Variants in GINM1 observed in about 807,000 individuals in gnomAD.
The protein encoded by GINM1 is glycoprotein integral membrane protein 1.
GINM1 carries 29 observed loss-of-function variants against 37.8 expected under a neutral mutation model. The observed-to-expected ratio is 0.77, with a 90% CI of 0.57 to 1.05. The LOEUF is 1.05. GINM1 is among the 50% of genes least tolerant of loss of function. The pLI is 0.00. For missense variants in GINM1, 377 were observed against 397.9 expected (o/e 0.95, Z 0.45); for synonymous variants, 143 against 146.2 (o/e 0.98, Z 0.16).
At chr6:149,579,466 G>A (rs559983011) in intron 4 of GINM1, among the ~76,000 whole-genome samples, 219 of 152,300 alleles carry the variant, frequency 1.4e-3, no homozygotes, top group African/African-American at 5.0e-3. Context: ...CAAGGTGGAC[G>A]AATCACCTGA....
chr6:149,578,852 A>C lies in GINM1; in HGVS notation c.308A>C (p.Glu103Ala), dbSNP rs759175308. 1 of 1,587,260 alleles carries C rather than the reference A, an allele frequency of 6.3e-7. No homozygotes were observed. Among genetic ancestry groups the C allele is most frequent in the African/African-American group, 1.4e-5 (1 of 73,974 alleles). The change falls in exon 4 of 8, where the codon GAA becomes GCA. Residue 103 changes from glutamate to alanine, a missense_variant. Physicochemically the swap from Glu to Ala is moderately radical, Grantham distance 107. Coordinates refer to ENST00000367419, the MANE Select transcript of GINM1 (RefSeq NM_138785.5). ...VKNENLENLE[E>A]KEYFGIVSVR... ...AATGAAAATCTTGAAAATTTGGAGG[A>C]AAAAGAATATTTTGGAATTGTCAGT... is the stretch of plus-strand genomic sequence containing the variant.
chr6:149,575,185 A>G (rs1777895835), intron 3 of GINM1, among the ~76,000 whole-genome samples: 1 of 152,098 alleles, frequency 6.6e-6, no homozygotes, highest in Admixed American at 6.5e-5. Context: ...TTCTCTGTAC[A>G]TTCTGCAACT....
intron 1 of GINM1, among the ~76,000 whole-genome samples, chr6:149,567,050 C>T (rs1422766606): frequency 6.6e-6 from 1 of 152,190 alleles, no homozygotes; most frequent in Non-Finnish European, 1.5e-5. Flanking sequence ...GGCCCTCGCG[C>T]GACGTAATGT....
chr6:149,583,628 G>GA (rs112596826), intron 7 of GINM1, among the ~76,000 whole-genome samples: 4,404 of 100,818 alleles, frequency 0.044, 251 homozygotes, highest in African/African-American at 0.14. Context: ...ACTCCCTCTC[G>GA]AAAAAAAAAA....
intron 7 of GINM1, among the ~76,000 whole-genome samples, chr6:149,583,141 A>G (rs1778025201): frequency 1.3e-5 from 2 of 152,160 alleles, no homozygotes; most frequent in African/African-American, 4.8e-5. Context: ...ATCCTGGCCA[A>G]CATGGTAAAA....
rs756928537 is a variant in GINM1, at chr6:149,582,456, T to C, written c.734T>C (p.Met245Thr). The change falls in exon 7 of 8, where the codon ATG becomes ACG. Residue 245 changes from methionine to threonine, a missense_variant. Met to Thr is a moderately conservative substitution (Grantham distance 81, BLOSUM62 -1). Transcript: ENST00000367419. ...CTTTTTCAGGTAATGTGTCAGTGGATGGAAAAGTTTAGAAAAGATCTGTGT... is the reference window on the plus strand; with the variant it reads ...CTTTTTCAGGTAATGTGTCAGTGGACGGAAAAGTTTAGAAAAGATCTGTGT... Reference protein sequence around the residue: ...PSSYKVMCQWMEKFRKDLCRF... With the variant: ...PSSYKVMCQWTEKFRKDLCRF... 1.2e-5 allele frequency: 19 copies of C among 1,605,414 alleles called. No individual in the cohort carries two copies. The East Asian group carries it at 3.6e-4, about 30-fold the overall frequency.
At position 149,584,832 on chromosome 6, in the gene GINM1, G is replaced by T. The variant is rs935484609; in HGVS notation, c.881+2229G>T. ...TTATAAATGTATATATATATAGAGA[G>T]AGAGAGAGAGAGACACGGGGATCTT... On this transcript the variant is annotated intron_variant, in intron 7 of 7. Transcript: ENST00000367419. Among the ~76,000 whole-genome samples the T allele has an allele frequency of 4.1e-3, 620 of 150,708 alleles. 2 individuals are homozygous for T. The highest frequency in any genetic ancestry group is 7.2e-3 in the African/African-American group (297 of 41,210).
At chr6:149,574,652 G>A (rs1289591148) in intron 3 of GINM1, among the ~76,000 whole-genome samples, 2 of 152,160 alleles carry the variant, frequency 1.3e-5, no homozygotes, top group Non-Finnish European at 2.9e-5. Flanking sequence ...CCCTTTGGGA[G>A]GCCAAAGCTG....
intron 1 of GINM1, among the ~76,000 whole-genome samples, chr6:149,569,742 ATTTCGC>A (rs1377157514): frequency 1.3e-5 from 2 of 152,142 alleles, no homozygotes; most frequent in Non-Finnish European, 2.9e-5. Context: ...ATAACTGTAT[ATTTCGC>A]TCAGACGTAT....
At chr6:149,580,352 T>C (rs1033168730) in intron 5 of GINM1, among the ~76,000 whole-genome samples, 2 of 152,206 alleles carry the variant, frequency 1.3e-5, no homozygotes, top group Non-Finnish European at 2.9e-5. Context: ...CACAGAAACA[T>C]AGAACTTCTA....
intron 7 of GINM1, among the ~76,000 whole-genome samples, chr6:149,590,181 T>C (rs1778132926): frequency 6.6e-6 from 1 of 152,202 alleles, no homozygotes; most frequent in Admixed American, 6.5e-5. Flanking sequence ...TTAAAAAAAA[T>C]CTTATGGCTG....
At position 149,570,164 on chromosome 6, in the gene GINM1, A is replaced by T. The variant is rs1262963647; in HGVS notation, c.121-2121A>T. Among the ~76,000 whole-genome samples the T allele has an allele frequency of 7.3e-4, 56 of 76,420 alleles. 6 individuals are homozygous for T. The highest frequency in any genetic ancestry group is 2.7e-3 in the African/African-American group (54 of 19,796). The allele number at this position is 76,420 out of a possible 152,430, so 50.1% of individuals were successfully genotyped here. A position where few individuals can be genotyped will look rare whatever the true frequency, so the allele number is the denominator to read the frequency against. Reference sequence around the variant, plus strand: ...TATATATATATATATATATATATATATATATATATATATATATATATATAT... The same window carrying T: ...TATATATATATATATATATATATATTTATATATATATATATATATATATAT... On this transcript the variant is annotated intron_variant, in intron 1 of 7. Coordinates refer to ENST00000367419, the MANE Select transcript of GINM1 (RefSeq NM_138785.5).
chr6:149,590,643 C>T lies in GINM1; in HGVS notation c.882-84C>T, dbSNP rs984467819. On this transcript the variant is annotated intron_variant, in intron 7 of 7. Transcript: ENST00000367419. Reference sequence around the variant, plus strand: ...ACCTAACCTTAGGTGTATATTATAACCTTGAAGTAGCCTTTTCTCACTATC... The same window carrying T: ...ACCTAACCTTAGGTGTATATTATAATCTTGAAGTAGCCTTTTCTCACTATC... 2.1e-5 allele frequency: 15 copies of T among 711,028 alleles called. No homozygotes were observed. The African/African-American group carries it at 2.5e-4, about 12-fold the overall frequency. 44.0% of individuals were successfully genotyped at this position (711,028 alleles called of 1,614,324 possible). A position where few individuals can be genotyped will look rare whatever the true frequency, so the allele number is the denominator to read the frequency against.
Position 149,566,558 on chromosome 6 carries a change from G to A in GINM1, c.120+24G>A, listed in dbSNP as rs1234015271. ...AGGTAGGGCAGGGCGGGCCTGGCTG[G>A]CCGCTTTACGACTCCGACTCTCCGG... On this transcript the variant is annotated intron_variant, in intron 1 of 7. Coordinates refer to ENST00000367419, the MANE Select transcript of GINM1 (RefSeq NM_138785.5). This position sits in a 1 kb window ranked among gnomAD's most constrained non-coding sequence, Gnocchi z 4.4. The A allele has an allele frequency of 1.2e-5, 17 of 1,475,506 alleles. No individual in the cohort carries two copies. The highest frequency in any genetic ancestry group is 1.5e-5 in the Non-Finnish European group (17 of 1,116,232). The allele number at this position is 1,475,506 out of a possible 1,614,324, so 91.4% of individuals were successfully genotyped here. A position where few individuals can be genotyped will look rare whatever the true frequency, so the allele number is the denominator to read the frequency against.
chr6:149,571,091 G>A (rs1777811029), intron 1 of GINM1, among the ~76,000 whole-genome samples: 1 of 152,246 alleles, frequency 6.6e-6, no homozygotes, highest in Non-Finnish European at 1.5e-5. Context: ...CGAGGTGGGT[G>A]GATCACGAGG....
chr6:149,580,108 T>C (rs1777977187), intron 5 of GINM1, 118 bp downstream of exon 5: 1 of 655,572 alleles, frequency 1.5e-6, no homozygotes, highest in South Asian at 2.5e-5. Context: ...TATTTATCTT[T>C]AATAGTTAAT....
chr6:149,579,011 AT>A, intron 4 of GINM1, 38 bp downstream of exon 4: 1 of 1,327,144 alleles, frequency 7.5e-7, no homozygotes, highest in Non-Finnish European at 1.1e-6. Context: ...ATTAAATGAT[AT>A]TTAGATTTGT....
chr6:149,567,474 C>G (rs1304371993), intron 1 of GINM1, among the ~76,000 whole-genome samples: 1 of 152,150 alleles, frequency 6.6e-6, no homozygotes, highest in East Asian at 1.9e-4. Context: ...AACCCCGTCT[C>G]TACTAAAAAT....
rs972539395 is a variant in GINM1 at position 149,566,914 on chromosome 6, A to C, written c.120+380A>C. On this transcript the variant is annotated intron_variant, in intron 1 of 7. Coordinates refer to ENST00000367419, the MANE Select transcript of GINM1 (RefSeq NM_138785.5). The surrounding 1 kb of genome is among the most constrained non-coding windows in gnomAD (Gnocchi z 4.4). ...GCAAGGAATGTTTGTGTGCTCGGGA[A>C]GTGTGGAAGTTGCCCACTTCGCGCA... is the stretch of plus-strand genomic sequence containing the variant. Among the ~76,000 whole-genome samples the C allele has an allele frequency of 1.3e-5, 2 of 152,204 alleles. No homozygotes were observed. The highest frequency in any genetic ancestry group is 2.4e-5 in the African/African-American group (1 of 41,452).
Sources: allele counts gnomAD v4.1 joint callset (sites outside exome capture counted in the v4.1 genomes callset), GRCh38; gene constraint gnomAD v4.1.1; non-coding constraint Gnocchi (gnomAD v3.1); transcripts MANE v1.5; gene names NCBI Gene and HGNC (gene_info 2026-07-23, HGNC 2026-07-21).